The following ATF6 variants were observed in gnomAD, a reference collection of about 807,000 sequenced individuals.
The protein encoded by ATF6 is activating transcription factor 6, also known as cyclic AMP-dependent transcription factor ATF-6 alpha.
A neutral mutation model predicts 83.6 loss-of-function variants in ATF6; 53 were observed. That is an observed-to-expected ratio of 0.63 (90% CI 0.51 to 0.80). ATF6 has a LOEUF of 0.80. Among genes scored for constraint, ATF6 ranks in the 30% least tolerant of loss-of-function variants. The probability of loss-of-function intolerance (pLI) is 0.00; values close to 1 mark genes in which losing one functional copy is unlikely to be tolerated. For synonymous variants in ATF6, 288 were observed against 285.8 expected, an observed-to-expected ratio of 1.01 and a Z score of -0.08; for missense variants, 744 against 797.9, an observed-to-expected ratio of 0.93 and a Z score of 0.81.
At chr1:161,771,314 G>A (rs1684384252) in intron 1 of ATF6, among the ~76,000 whole-genome samples, 1 of 152,164 alleles carries the variant, frequency 6.6e-6, no homozygotes, top group African/African-American at 2.4e-5. Flanking sequence ...TGCCACTGTG[G>A]TTTCGTTTAT....
intron 14 of ATF6, among the ~76,000 whole-genome samples, chr1:161,871,756 C>T (rs1687128896): frequency 6.6e-6 from 1 of 151,640 alleles, no homozygotes; most frequent in African/African-American, 2.4e-5. Context: ...TAGTCCCTCT[C>T]ATCTTCAGTT....
intron 7 of ATF6, 102 bp downstream of exon 7, chr1:161,802,374 C>T: frequency 6.1e-6 from 6 of 985,342 alleles, no homozygotes; most frequent in Non-Finnish European, 7.5e-6. Context: ...TTTAGAGTTT[C>T]TTATATTGCA....
At chr1:161,844,699 G>A (rs867539278) in intron 9 of ATF6, among the ~76,000 whole-genome samples, 1 of 152,076 alleles carries the variant, frequency 6.6e-6, no homozygotes, top group Non-Finnish European at 1.5e-5. Flanking sequence ...TTGGCACCAT[G>A]CTTGAAAGAA....
Position 161,928,342 on chromosome 1 carries a change from A to G in ATF6, c.1804+15962A>G, listed in dbSNP as rs181147565. 8.1e-4 allele frequency among the ~76,000 whole-genome samples: 123 copies of G among 152,328 alleles called. 1 individual carries two copies. The highest frequency in any genetic ancestry group is 2.7e-3 in the African/African-American group (114 of 41,582). On this transcript the variant is annotated intron_variant, in intron 15 of 15. Coordinates refer to ENST00000367942, the MANE Select transcript of ATF6 (RefSeq NM_007348.4). Reference sequence around the variant, plus strand: ...CTACTGTTTTATGTTCTGGTCATCTATTACATAAATATTTAATACTGAGCA... The same window carrying G: ...CTACTGTTTTATGTTCTGGTCATCTGTTACATAAATATTTAATACTGAGCA...
chr1:161,936,845 C>T lies in ATF6; in HGVS notation c.1805-21601C>T, dbSNP rs77857801. ...AGTTCACACTTAACCAAACTGATTT[C>T]CACCCTCAACCTTCTCCTGTAGTCT... On this transcript the variant is annotated intron_variant, in intron 15 of 15. Coordinates refer to ENST00000367942, the MANE Select transcript of ATF6 (RefSeq NM_007348.4). Among the ~76,000 whole-genome samples, 319 of 152,272 alleles carry T rather than the reference C, an allele frequency of 2.1e-3. 3 individuals are homozygous for T. The highest frequency in any genetic ancestry group is 3.0e-3 in the Non-Finnish European group (201 of 68,022).
chr1:161,837,798 A>T (rs1236710695), intron 9 of ATF6, among the ~76,000 whole-genome samples: 1 of 152,182 alleles, frequency 6.6e-6, no homozygotes, highest in East Asian at 1.9e-4. Context: ...GTGTTGTATT[A>T]AGCCATTATT....
At chr1:161,844,131 T>C (rs948148363) in intron 9 of ATF6, among the ~76,000 whole-genome samples, 2 of 152,204 alleles carry the variant, frequency 1.3e-5, no homozygotes, top group Non-Finnish European at 2.9e-5. Context: ...CAACAGTGTC[T>C]AGAACAAATG....
At chr1:161,878,895 A>T (rs766560175) in intron 14 of ATF6, among the ~76,000 whole-genome samples, 1 of 152,206 alleles carries the variant, frequency 6.6e-6, no homozygotes, top group African/African-American at 2.4e-5. Flanking sequence ...ATAACTATTT[A>T]AAAATGTTTG....
chr1:161,923,005 T>C (rs1253635425), intron 15 of ATF6, among the ~76,000 whole-genome samples: 4 of 152,194 alleles, frequency 2.6e-5, no homozygotes, highest in Non-Finnish European at 5.9e-5. Context: ...TTACCTGTCC[T>C]CTTCCCTCCA....
intron 14 of ATF6, among the ~76,000 whole-genome samples, chr1:161,886,027 T>G (rs1030492701): frequency 1.3e-5 from 2 of 152,198 alleles, no homozygotes; most frequent in Non-Finnish European, 2.9e-5. Flanking sequence ...CCAAGAGCAC[T>G]ACATTCATCA....
At chr1:161,790,551 T>C (rs889138345) in intron 4 of ATF6, among the ~76,000 whole-genome samples, 1 of 152,164 alleles carries the variant, frequency 6.6e-6, no homozygotes, top group African/African-American at 2.4e-5. Flanking sequence ...GGTTCACGCC[T>C]GTAATCCCAG....
chr1:161,894,489 T>C (rs1257323563), intron 14 of ATF6, among the ~76,000 whole-genome samples: 2 of 150,210 alleles, frequency 1.3e-5, no homozygotes, highest in Admixed American at 6.6e-5. Flanking sequence ...AAATTTTTCT[T>C]TGGTTATTAG....
intron 15 of ATF6, among the ~76,000 whole-genome samples, chr1:161,936,509 A>G (rs1190918884): frequency 1.3e-5 from 2 of 152,182 alleles, no homozygotes; most frequent in African/African-American, 2.4e-5. Context: ...TGTTTTTCAA[A>G]CATGTCTCTG....
intron 15 of ATF6, among the ~76,000 whole-genome samples, chr1:161,940,290 A>T (rs531740388): frequency 2.6e-5 from 4 of 152,196 alleles, no homozygotes; most frequent in African/African-American, 9.7e-5. Context: ...AATAAAATAC[A>T]TATCCCCATC....
At chr1:161,861,765 T>G (rs946631444) in intron 13 of ATF6, among the ~76,000 whole-genome samples, 1 of 152,222 alleles carries the variant, frequency 6.6e-6, no homozygotes, top group Non-Finnish European at 1.5e-5. Flanking sequence ...TGCCTTTTAG[T>G]CTCAGCTATA....
intron 9 of ATF6, among the ~76,000 whole-genome samples, chr1:161,843,383 C>T (rs1387057301): frequency 1.3e-5 from 2 of 152,092 alleles, no homozygotes; most frequent in Non-Finnish European, 2.9e-5. Flanking sequence ...TATCTTTCAT[C>T]TTTGAGTCAT....
intron 3 of ATF6, among the ~76,000 whole-genome samples, chr1:161,783,145 T>C (rs1055397896): frequency 6.6e-6 from 1 of 152,200 alleles, no homozygotes; most frequent in African/African-American, 2.4e-5. Context: ...CTTCAAAGGC[T>C]CCAAGTATGA....
At chr1:161,832,323 C>T (rs1207262196) in intron 9 of ATF6, among the ~76,000 whole-genome samples, 7 of 152,274 alleles carry the variant, frequency 4.6e-5, no homozygotes, top group African/African-American at 9.6e-5. Flanking sequence ...CAGCTCCCAG[C>T]GTGAGCAATG....
At chr1:161,802,323 A>C in intron 7 of ATF6, 51 bp downstream of exon 7, 2 of 1,514,216 alleles carry the variant, frequency 1.3e-6, no homozygotes, top group Non-Finnish European at 1.8e-6. Flanking sequence ...AAAAACCAAC[A>C]AAAAAACACC....
Sources: allele counts gnomAD v4.1 joint callset (sites outside exome capture counted in the v4.1 genomes callset), GRCh38; gene constraint gnomAD v4.1.1; transcripts MANE v1.5; gene names NCBI Gene and HGNC (gene_info 2026-07-23, HGNC 2026-07-21).